The following BABAM2 variants were observed in gnomAD, a reference collection of about 807,000 sequenced individuals.
The protein encoded by BABAM2 is BRISC and BRCA1-A complex member 2.
A neutral mutation model predicts 54.7 loss-of-function variants in BABAM2; 31 were observed. The ratio of observed to expected loss-of-function variants is 0.57; its 90% CI spans 0.43 to 0.77. BABAM2 has a LOEUF of 0.77. Among genes scored for constraint, BABAM2 ranks in the 30% least tolerant of loss-of-function variants. BABAM2 has a pLI of 0.00. For missense variants in BABAM2, 364 were observed against 455.8 expected (o/e 0.80, Z 1.83); for synonymous variants, 167 against 162.9 (o/e 1.03, Z -0.19).
At chr2:28,000,170 C>T (rs900023089) in intron 4 of BABAM2, among the ~76,000 whole-genome samples, 4 of 151,988 alleles carry the variant, frequency 2.6e-5, no homozygotes, top group Admixed American at 6.6e-5. Flanking sequence ...TACTTTATTC[C>T]GATTTTAAAA....
At chr2:28,036,197 C>T (rs988952395) in intron 5 of BABAM2, among the ~76,000 whole-genome samples, 1 of 152,092 alleles carries the variant, frequency 6.6e-6, no homozygotes, top group African/African-American at 2.4e-5. Flanking sequence ...GTCCAAGGAC[C>T]AGCTGAGGCG....
In BABAM2 at chr2:28,218,311, C is replaced by T. The variant is rs539829992; in HGVS notation, c.681-18891C>T. Among the ~76,000 whole-genome samples, 16 of 152,308 alleles carry T rather than the reference C, an allele frequency of 1.1e-4. No individual in the cohort carries two copies. In the South Asian group the frequency reaches 3.3e-3, roughly 32 times the overall value. On this transcript the variant is annotated intron_variant, in intron 7 of 11. Transcript: ENST00000379624. ...TATTATCTAATCCACAGTCCATATT[C>T]TAATTGTGTCAGTTGTTTCACTAAT...
intron 11 of BABAM2, among the ~76,000 whole-genome samples, chr2:28,314,130 C>A (rs1395879736): frequency 6.6e-6 from 1 of 152,172 alleles, no homozygotes; most frequent in Non-Finnish European, 1.5e-5. Context: ...CCAGTGCCTC[C>A]TAATCACCTT....
intron 7 of BABAM2, among the ~76,000 whole-genome samples, chr2:28,225,701 C>G (rs1052000976): frequency 6.6e-6 from 1 of 151,642 alleles, no homozygotes; most frequent in African/African-American, 2.4e-5. Flanking sequence ...AAATAGCTCC[C>G]TCTTGCACAG....
chr2:27,929,952 G>A (rs757379907), intron 3 of BABAM2, 44 bp downstream of exon 3: 84 of 1,541,154 alleles, frequency 5.5e-5, no homozygotes, highest in Admixed American at 4.5e-4. Context: ...AGGTTACAGT[G>A]TCAGCTATTG....
chr2:27,981,718 A>G (rs1401339885), intron 3 of BABAM2, among the ~76,000 whole-genome samples: 1 of 152,196 alleles, frequency 6.6e-6, no homozygotes, highest in Non-Finnish European at 1.5e-5. Flanking sequence ...TTTGAATAAT[A>G]TTCCATTACA....
chr2:28,241,308 G>A lies in BABAM2; in HGVS notation c.781-15G>A, dbSNP rs764699762. 4 of 1,611,202 alleles carry A rather than the reference G, an allele frequency of 2.5e-6. No homozygotes were observed. In the Admixed American group the frequency reaches 6.7e-5, roughly 27 times the overall value. On this transcript the variant is annotated splice_polypyrimidine_tract_variant and intron_variant, in intron 8 of 11. Transcript: ENST00000379624. ...GATTCCCACTCTACTTCTCAGCTTT[G>A]GGTTTCTATTCCAGGTGCAGTACGT...
At chr2:28,190,703 G>A (rs1029195683) in intron 7 of BABAM2, among the ~76,000 whole-genome samples, 1 of 152,138 alleles carries the variant, frequency 6.6e-6, no homozygotes, top group South Asian at 2.1e-4. Context: ...CAAGGGGGGG[G>A]CGGTGCTGTA....
intron 5 of BABAM2, among the ~76,000 whole-genome samples, chr2:28,040,219 A>G (rs72854461): frequency 6.6e-6 from 1 of 151,438 alleles, no homozygotes; most frequent in Non-Finnish European, 1.5e-5. Flanking sequence ...TAAAATTATC[A>G]TGTACTCAGT....
Position 27,995,228 on chromosome 2 carries a change from G to GGGC in BABAM2, c.300+7142_300+7144dup, listed in dbSNP as rs763824407. ...AAGCCAGAGCTGGCAAAGTGGAAAT[G>GGGC]GGCTGGTTTCAGTGAAACAGGCTGG... is the stretch of plus-strand genomic sequence containing the variant. On this transcript the variant is annotated intron_variant, in intron 4 of 11. Coordinates refer to ENST00000379624, the MANE Select transcript of BABAM2 (RefSeq NM_199191.3). The surrounding 1 kb of genome is among the most constrained non-coding windows in gnomAD (Gnocchi z 4.1). Among the ~76,000 whole-genome samples the GGGC allele has an allele frequency of 2.0e-5, 3 of 152,166 alleles. No individual in the cohort carries two copies. Among genetic ancestry groups the GGGC allele is most frequent in the Non-Finnish European group, 4.4e-5 (3 of 68,016 alleles).
chr2:27,987,840 G>C (rs1243517613), intron 3 of BABAM2, among the ~76,000 whole-genome samples, 153 bp from the exon 4 acceptor site: 1 of 150,684 alleles, frequency 6.6e-6, no homozygotes, highest in Non-Finnish European at 1.5e-5. Context: ...AAAGATATCA[G>C]TTTATTTGAA....
At chr2:28,279,964 G>T (rs888048410) in intron 10 of BABAM2, among the ~76,000 whole-genome samples, 1 of 150,778 alleles carries the variant, frequency 6.6e-6, no homozygotes, top group South Asian at 2.1e-4. Context: ...CACCACGCCC[G>T]GCAGAGGCTT....
At chr2:28,140,314 T>C (rs1471328923) in intron 7 of BABAM2, among the ~76,000 whole-genome samples, 2 of 152,214 alleles carry the variant, frequency 1.3e-5, no homozygotes, top group African/African-American at 4.8e-5. Flanking sequence ...TCATCAACAC[T>C]GTGAGACCAT....
chr2:28,142,462 A>G (rs563441484), intron 7 of BABAM2, among the ~76,000 whole-genome samples: 1 of 152,304 alleles, frequency 6.6e-6, no homozygotes, highest in Non-Finnish European at 1.5e-5. Context: ...AAGAAGTTAT[A>G]TGTATCAGTG....
intron 3 of BABAM2, among the ~76,000 whole-genome samples, chr2:27,987,709 G>T (rs116137831): frequency 2.6e-5 from 4 of 151,632 alleles, no homozygotes; most frequent in East Asian, 1.9e-4. Flanking sequence ...CAGCTCCTTG[G>T]GGGGCTGAGA....
intron 7 of BABAM2, among the ~76,000 whole-genome samples, chr2:28,179,239 C>A (rs897542365): frequency 2.0e-5 from 3 of 152,048 alleles, no homozygotes; most frequent in Non-Finnish European, 4.4e-5. Flanking sequence ...ACCAACATAA[C>A]ACTAGCAAAT....
intron 8 of BABAM2, among the ~76,000 whole-genome samples, chr2:28,240,882 A>G (rs901183785): frequency 6.6e-6 from 1 of 151,810 alleles, no homozygotes; most frequent in Non-Finnish European, 1.5e-5. Context: ...AAAAAAAAAA[A>G]AAACAAAAAA....
At chr2:27,917,966 C>G (rs535146109) in intron 2 of BABAM2, among the ~76,000 whole-genome samples, 1 of 152,208 alleles carries the variant, frequency 6.6e-6, no homozygotes, top group East Asian at 1.9e-4. Flanking sequence ...GAGGGTCTGT[C>G]TCTGAACTCT....
At chr2:28,020,456 C>T (rs1458940003) in intron 4 of BABAM2, among the ~76,000 whole-genome samples, 1 of 151,944 alleles carries the variant, frequency 6.6e-6, no homozygotes. Flanking sequence ...AAGCAAAAAA[C>T]TTTTTTAAAT....
Sources: allele counts gnomAD v4.1 joint callset (sites outside exome capture counted in the v4.1 genomes callset), GRCh38; gene constraint gnomAD v4.1.1; non-coding constraint Gnocchi (gnomAD v3.1); transcripts MANE v1.5; gene names NCBI Gene and HGNC (gene_info 2026-07-23, HGNC 2026-07-21).